Variants in AFF3 observed in about 807,000 individuals in gnomAD.
AFF3 encodes the protein ALF transcription elongation factor 3, also known as AF4/FMR2 family member 3.
In AFF3, 32 loss-of-function variants were observed where a neutral mutation model predicts 129.7. The ratio of observed to expected loss-of-function variants is 0.25; its 90% CI spans 0.19 to 0.33. The LOEUF (loss-of-function observed/expected upper bound fraction) is 0.33, where lower values mean the gene tolerates loss of function less well. Ranked by LOEUF, AFF3 falls within the 10% of genes least tolerant of loss-of-function variation. The pLI is 1.00. For missense variants in AFF3, 1,373 were observed against 1,592.0 expected (o/e 0.86, Z 2.34); for synonymous variants, 644 against 635.4 (o/e 1.01, Z -0.20).
intron 7 of AFF3, among the ~76,000 whole-genome samples, chr2:99,899,465 G>A (rs958784538): frequency 6.6e-6 from 1 of 152,184 alleles, no homozygotes; most frequent in Non-Finnish European, 1.5e-5. Flanking sequence ...CCACTGAAGT[G>A]TGACTAAAGG....
At chr2:99,676,020 C>A (rs1237346153) in intron 11 of AFF3, among the ~76,000 whole-genome samples, 1 of 150,652 alleles carries the variant, frequency 6.6e-6, no homozygotes, top group Non-Finnish European at 1.5e-5. Flanking sequence ...AAAGACCCTG[C>A]TGCTCTAAGG....
Position 99,777,194 on chromosome 2 carries a change from G to A in AFF3, c.922-24893C>T, listed in dbSNP as rs1359855962. 2.0e-5 allele frequency among the ~76,000 whole-genome samples: 3 copies of A among 152,182 alleles called. No homozygotes were observed. In the East Asian group the frequency reaches 5.8e-4, roughly 29 times the overall value. ...AGCATCTTCTGAGAACTTCCTACAT[G>A]TAAGTCTCCACGCTGAGTTCCTACC... On this transcript the variant is annotated intron_variant, in intron 8 of 24. Transcript: ENST00000672756.
chr2:99,771,209 G>A (rs1683449797), intron 8 of AFF3, among the ~76,000 whole-genome samples: 1 of 152,124 alleles, frequency 6.6e-6, no homozygotes, highest in Non-Finnish European at 1.5e-5. Flanking sequence ...GTTGAACAAT[G>A]AGAACACATG....
At position 99,593,217 on chromosome 2, in the gene AFF3, G is replaced by C; in HGVS notation, c.2444C>G (p.Pro815Arg). 6.3e-7 allele frequency: 1 copy of C among 1,590,432 alleles called. No homozygotes were observed. Among genetic ancestry groups the C allele is most frequent in the South Asian group, 1.1e-5 (1 of 88,636 alleles). Residue 815 changes from proline to arginine, a missense_variant, in exon 15 of 25, where the codon CCA becomes CGA. Pro to Arg is a moderately radical substitution (Grantham distance 103, BLOSUM62 -2). This residue lies in a region of AFF3 where 466 missense variants were observed against 505.0 expected (regional missense o/e 0.92). Coordinates refer to ENST00000672756, the MANE Select transcript of AFF3 (RefSeq NM_001386135.1). ...TACCTTGCGTTTCCTCTTGGATTTTGGCAAAGCCTTTTCTGCAGGTGTGTC... is the reference window on the plus strand; with the variant it reads ...TACCTTGCGTTTCCTCTTGGATTTTCGCAAAGCCTTTTCTGCAGGTGTGTC... ...TSDTPAEKAL[P>R]KSKRKRKCDN...
chr2:100,105,423 G>T (rs1412056859), intron 3 of AFF3, 81 bp downstream of exon 3: 1 of 1,315,822 alleles, frequency 7.6e-7, no homozygotes, highest in East Asian at 4.7e-5. Context: ...TCTCCGTTGC[G>T]GTTTGGCCTC....
At chr2:100,003,481 G>A (rs1681648413) in intron 7 of AFF3, among the ~76,000 whole-genome samples, 1 of 152,226 alleles carries the variant, frequency 6.6e-6, no homozygotes, top group African/African-American at 2.4e-5. Flanking sequence ...CTCACTTAAT[G>A]AGGAGTGGTG....
chr2:99,858,705 C>T (rs1690722238), intron 7 of AFF3, among the ~76,000 whole-genome samples: 1 of 152,054 alleles, frequency 6.6e-6, no homozygotes, highest in East Asian at 1.9e-4. Flanking sequence ...ATGATGAGAA[C>T]ACATGGACAC....
intron 1 of AFF3, among the ~76,000 whole-genome samples, chr2:100,129,982 C>G (rs1336839876): frequency 6.6e-6 from 1 of 152,122 alleles, no homozygotes; most frequent in African/African-American, 2.4e-5. Flanking sequence ...TTACACGTGG[C>G]CTCTATGTAG....
chr2:100,067,820 C>T (rs1199335494), intron 4 of AFF3, among the ~76,000 whole-genome samples: 1 of 152,128 alleles, frequency 6.6e-6, no homozygotes, highest in African/African-American at 2.4e-5. Context: ...AAGGCAGAGA[C>T]ATGAATTTGG....
At chr2:99,639,972 T>A (rs973862921) in intron 13 of AFF3, among the ~76,000 whole-genome samples, 1 of 152,052 alleles carries the variant, frequency 6.6e-6, no homozygotes, top group African/African-American at 2.4e-5. Flanking sequence ...CGTTAGCCAC[T>A]GCACCCGGCC....
chr2:99,767,401 T>C (rs1363066047), intron 8 of AFF3, among the ~76,000 whole-genome samples: 1 of 152,246 alleles, frequency 6.6e-6, no homozygotes, highest in Non-Finnish European at 1.5e-5. Flanking sequence ...AATGACATTA[T>C]GTGTGGTTTA....
At chr2:99,626,919 T>G (rs1682641367) in intron 13 of AFF3, among the ~76,000 whole-genome samples, 1 of 152,228 alleles carries the variant, frequency 6.6e-6, no homozygotes, top group Admixed American at 6.5e-5. Flanking sequence ...TTCTTTTTTA[T>G]GGCCGCATAG....
At chr2:99,578,042 G>A (rs561191314) in intron 18 of AFF3, among the ~76,000 whole-genome samples, 1 of 152,304 alleles carries the variant, frequency 6.6e-6, no homozygotes, top group African/African-American at 2.4e-5. Context: ...GCTTAGAAGT[G>A]TAAGACTCAT....
chr2:99,827,014 G>A (rs2105728809), intron 8 of AFF3, among the ~76,000 whole-genome samples: 1 of 152,288 alleles, frequency 6.6e-6, no homozygotes, highest in South Asian at 2.1e-4. Context: ...GTGTGAGGGA[G>A]AAGAAGAACC....
intron 10 of AFF3, among the ~76,000 whole-genome samples, chr2:99,730,045 G>A (rs1407302039): frequency 6.6e-6 from 1 of 152,136 alleles, no homozygotes; most frequent in Non-Finnish European, 1.5e-5. Context: ...ATGTATCTAT[G>A]TGTATTATAC....
At chr2:100,025,887 C>T (rs1013298672) in intron 4 of AFF3, among the ~76,000 whole-genome samples, 2 of 152,140 alleles carry the variant, frequency 1.3e-5, no homozygotes, top group African/African-American at 4.8e-5. Flanking sequence ...TCGCCTTATA[C>T]AAAAATCAAC....
chr2:99,974,205 A>G (rs553505848), intron 7 of AFF3, among the ~76,000 whole-genome samples: 23 of 152,146 alleles, frequency 1.5e-4, no homozygotes, highest in Admixed American at 4.6e-4. Context: ...AAATGTGATA[A>G]TTTTTTTTAA....
At chr2:99,655,175 TG>T (rs779684718) in intron 12 of AFF3, among the ~76,000 whole-genome samples, 8 of 151,122 alleles carry the variant, frequency 5.3e-5, no homozygotes, top group Non-Finnish European at 1.0e-4. Flanking sequence ...CTTGCAATAT[TG>T]TGCTTAGTGT....
In AFF3 at chr2:99,749,825, G is replaced by T. The variant is rs10167572; in HGVS notation, c.1002+2396C>A. Among the ~76,000 whole-genome samples the T allele has an allele frequency of 2.8e-3, 427 of 152,278 alleles. 1 individual carries two copies. Among genetic ancestry groups the T allele is most frequent in the African/African-American group, 9.9e-3 (411 of 41,558 alleles). On this transcript the variant is annotated intron_variant, in intron 9 of 24. Transcript: ENST00000672756. ...ATTCGAACAATGAATTCTTGGGAAA[G>T]AATTAGATAAACATGTCGAAAAACA...
Sources: allele counts gnomAD v4.1 joint callset (sites outside exome capture counted in the v4.1 genomes callset), GRCh38; gene constraint gnomAD v4.1.1; regional missense constraint gnomAD v4.1.1; transcripts MANE v1.5; gene names NCBI Gene and HGNC (gene_info 2026-07-23, HGNC 2026-07-21).